Variants in ACOT8 observed in about 807,000 individuals in gnomAD.
The protein encoded by ACOT8 is acyl-coenzyme A thioesterase 8.
Under a neutral mutation model 38.4 loss-of-function variants are expected in ACOT8, and 31 were observed. That is an observed-to-expected ratio of 0.81 (90% CI 0.61 to 1.09). The LOEUF is 1.09. ACOT8 is among the 50% of genes least tolerant of loss of function. ACOT8 has a pLI of 0.00. For missense variants in ACOT8, 373 were observed against 421.8 expected (o/e 0.88, Z 1.01); for synonymous variants, 158 against 170.3 (o/e 0.93, Z 0.56).
rs771631709 is a variant in ACOT8 at position 45,855,207 on chromosome 20, T to C, written c.214A>G (p.Ser72Gly). 2 of 1,614,134 alleles carry C rather than the reference T, an allele frequency of 1.2e-6. No homozygotes were observed. The highest frequency in any genetic ancestry group is 1.7e-6 in the Non-Finnish European group (2 of 1,180,014). ...AGGGAGTGCACGTGGACGTCTTCACTCACAGACTTGGCTGCAGCCACCAGG... is the reference window on the plus strand; with the variant it reads ...AGGGAGTGCACGTGGACGTCTTCACCCACAGACTTGGCTGCAGCCACCAGG... ...QALVAAAKSV[S>G]EDVHVHSLHC... The change falls in exon 2 of 6, where the codon AGT becomes GGT. Residue 72 changes from serine (S) to glycine (G), a missense_variant. Coordinates refer to ENST00000217455, the MANE Select transcript of ACOT8 (RefSeq NM_005469.4).
At chr20:45,843,962 A>G in intron 4 of ACOT8, 1 of 849,816 alleles carries the variant, frequency 1.2e-6, no homozygotes, top group East Asian at 2.7e-5. Flanking sequence ...AGGCCCCAAA[A>G]GGGGTGTCTT....
At position 45,844,274 on chromosome 20, in the gene ACOT8, CGGGCTCGCACCCAGAACATCTGTTT is replaced by C; in HGVS notation, c.610_634del (p.Lys204GlyfsTer9). The C allele has an allele frequency of 1.2e-6, 2 of 1,614,180 alleles. No individual in the cohort carries two copies. Among genetic ancestry groups the C allele is most frequent in the Non-Finnish European group, 1.7e-6 (2 of 1,180,034 alleles). ...TGGGGTACTCTTACCAATATAGCCCCGGGCTCGCACCCAGAACATCTGTTTGGGCTCCATTCTCTGCAGCTGGCTC... is the reference window on the plus strand; with the variant it reads ...TGGGGTACTCTTACCAATATAGCCCCGGGCTCCATTCTCTGCAGCTGGCTC... On this transcript the variant is annotated frameshift_variant, in exon 4 of 6. Transcript: ENST00000217455. LOFTEE classifies it high-confidence loss of function.
intron 3 of ACOT8, 53 bp from the exon 4 acceptor site, chr20:45,844,473 C>T (rs1984529027): frequency 1.9e-6 from 3 of 1,583,226 alleles, no homozygotes; most frequent in Middle Eastern, 1.7e-4. Context: ...GAGGGAGTCA[C>T]ATCTGCATTG....
chr20:45,842,908 A>G lies in ACOT8; in HGVS notation c.841+619T>C, dbSNP rs1984342386. 4.0e-6 allele frequency: 4 copies of G among 1,000,564 alleles called. No individual in the cohort carries two copies. The South Asian group carries it at 1.3e-4, about 32-fold the overall frequency. The allele number at this position is 1,000,564 out of a possible 1,614,324, so 62.0% of individuals were successfully genotyped here. ...CAAAGCTTTTCTTCATTTGAAATGTACTCCCTTGGAAAGGAGGTCAGGGTT... is the reference window on the plus strand; with the variant it reads ...CAAAGCTTTTCTTCATTTGAAATGTGCTCCCTTGGAAAGGAGGTCAGGGTT... On this transcript the variant is annotated intron_variant, in intron 5 of 5. Coordinates refer to ENST00000217455, the MANE Select transcript of ACOT8 (RefSeq NM_005469.4).
At position 45,857,332 on chromosome 20, in the gene ACOT8, G is replaced by C; in HGVS notation, c.-17C>G. On this transcript the variant is annotated 5_prime_UTR_variant, in exon 1 of 6. Transcript: ENST00000217455. Reference sequence around the variant, plus strand: ...GGACGACATCTAGTTCAATGCTGCAGGCCCTGCACACCCGCTCCGCGGAAG... The same window carrying C: ...GGACGACATCTAGTTCAATGCTGCACGCCCTGCACACCCGCTCCGCGGAAG... 1.9e-6 allele frequency: 3 copies of C among 1,588,602 alleles called. No individual in the cohort carries two copies. The highest frequency in any genetic ancestry group is 2.6e-6 in the Non-Finnish European group (3 of 1,168,540).
chr20:45,844,184 CAT>C (rs1371081763), intron 4 of ACOT8, 77 bp downstream of exon 4: 2 of 1,577,464 alleles, frequency 1.3e-6, no homozygotes, highest in Admixed American at 1.7e-5. Flanking sequence ...GAAGGGAACT[CAT>C]GTGCCCAAGG....
At chr20:45,845,807 TG>T (rs1256311381) in intron 3 of ACOT8, among the ~76,000 whole-genome samples, 4 of 152,036 alleles carry the variant, frequency 2.6e-5, no homozygotes, top group African/African-American at 9.7e-5. Context: ...GGAACAGAAT[TG>T]TTCATTCTAC....
chr20:45,852,740 G>A (rs1985146345), intron 2 of ACOT8, among the ~76,000 whole-genome samples: 1 of 152,092 alleles, frequency 6.6e-6, no homozygotes, highest in Admixed American at 6.6e-5. Flanking sequence ...CAAGACACAA[G>A]CAAGGGCACA....
chr20:45,846,582 A>T (rs1005950421), intron 3 of ACOT8, among the ~76,000 whole-genome samples: 3 of 152,204 alleles, frequency 2.0e-5, no homozygotes. Flanking sequence ...CACGAGATAG[A>T]GACATTCTCT....
chr20:45,842,030 C>G lies in ACOT8; in HGVS notation c.842-74G>C, dbSNP rs534425240. ...TACACTTTTTTTTTTTTTCCTGAAA[C>G]AGAGTCTCACTAAGTTGCCAGGCTG... On this transcript the variant is annotated intron_variant, in intron 5 of 5. Coordinates refer to ENST00000217455, the MANE Select transcript of ACOT8 (RefSeq NM_005469.4). The G allele has an allele frequency of 2.6e-5, 40 of 1,567,966 alleles. No homozygotes were observed. In the South Asian group the frequency reaches 4.2e-4, roughly 16 times the overall value.
chr20:45,852,127 C>T (rs998103892), intron 2 of ACOT8, among the ~76,000 whole-genome samples: 3 of 151,880 alleles, frequency 2.0e-5, no homozygotes, highest in East Asian at 1.9e-4. Context: ...CTCAGCCTCC[C>T]GAGTAGCTGG....
chr20:45,847,520 C>G (rs1368359237), intron 3 of ACOT8: 1 of 151,338 alleles, frequency 6.6e-6, no homozygotes, highest in Non-Finnish European at 1.5e-5. Context: ...CACCTGAGAT[C>G]AAGAGTTTGA....
rs191659033 is a variant in ACOT8, at chr20:45,844,268, T to C, written c.641A>G (p.Tyr214Cys). ...CATCCATGGGGTACTCTTACCAATA[T>C]AGCCCCGGGCTCGCACCCAGAACAT... ...KQMFWVRARG[Y>C]IGEGDMKMHC... is the part of the protein sequence containing the mutation. The change falls in exon 4 of 6, where the codon TAT becomes TGT. Residue 214 changes from tyrosine to cysteine, a missense_variant. By Grantham distance (194) the Tyr-to-Cys change is radical. Coordinates refer to ENST00000217455, the MANE Select transcript of ACOT8 (RefSeq NM_005469.4). 34 of 1,614,148 alleles carry C rather than the reference T, an allele frequency of 2.1e-5. No individual in the cohort carries two copies. The East Asian group carries it at 2.2e-4, about 11-fold the overall frequency.
chr20:45,843,497 T>C, intron 5 of ACOT8, 30 bp downstream of exon 5: 1 of 1,602,872 alleles, frequency 6.2e-7, no homozygotes. Context: ...TCAAGGTCAG[T>C]GCCCTTGTCC....
intron 3 of ACOT8, among the ~76,000 whole-genome samples, chr20:45,844,983 A>G (rs764417429): frequency 7.2e-5 from 11 of 152,182 alleles, no homozygotes; most frequent in East Asian, 1.9e-4. Context: ...CAGTGGCGCA[A>G]TCAGCTCACT....
chr20:45,855,089 T>C lies in ACOT8; in HGVS notation c.262+70A>G, dbSNP rs1985320394. ...AGTCTCCCTCTCTTCCCTTTTGACC[T>C]CAGCCCCCAAGGCCAGAAATGGCTG... On this transcript the variant is annotated intron_variant, in intron 2 of 5. Coordinates refer to ENST00000217455, the MANE Select transcript of ACOT8 (RefSeq NM_005469.4). The C allele has an allele frequency of 8.2e-6, 13 of 1,587,386 alleles. No individual in the cohort carries two copies. The South Asian group carries it at 1.2e-4, about 14-fold the overall frequency.
In ACOT8 at chr20:45,848,598, C is replaced by T; in HGVS notation, c.340G>A (p.Ala114Thr). ...AAGATGGGCTTCCCATGTTGCACGG[C>T]CTTCACAGAGCGCACCGAGAAGCTC... ...GSSFSVRSVKAVQHGKPIFIC... is the reference protein window; with the variant it reads ...GSSFSVRSVKTVQHGKPIFIC... The change falls in exon 3 of 6, where the codon GCC becomes ACC. Residue 114 changes from alanine to threonine, a missense_variant. Ala to Thr is a moderately conservative substitution (Grantham distance 58). Coordinates refer to ENST00000217455, the MANE Select transcript of ACOT8 (RefSeq NM_005469.4). 1.2e-6 allele frequency: 2 copies of T among 1,613,958 alleles called. No homozygotes were observed. The highest frequency in any genetic ancestry group is 1.7e-6 in the Non-Finnish European group (2 of 1,179,986).
Position 45,855,254 on chromosome 20 carries a change from CCAAA to C in ACOT8, c.163_166del (p.Phe55ValfsTer16), listed in dbSNP as rs777371035. 1.9e-6 allele frequency: 3 copies of C among 1,614,158 alleles called. No individual in the cohort carries two copies. The South Asian group carries it at 3.3e-5, about 18-fold the overall frequency. On this transcript the variant is annotated frameshift_variant, in exon 2 of 6. Transcript: ENST00000217455. LOFTEE classifies it high-confidence loss of function. ...CAGGGCCTGGCCCACGATCTGACCA[CCAAA>C]CAGCCTCTTGGCCGGTACCCAGTAA...
At chr20:45,846,675 TGGGCACTGTCCCACA>T (rs1984706849) in intron 3 of ACOT8, among the ~76,000 whole-genome samples, 1 of 152,090 alleles carries the variant, frequency 6.6e-6, no homozygotes, top group South Asian at 2.1e-4. Context: ...CCTGGGGAGT[TGGGCACTGTCCCACA>T]GCAGGTGAGC....
Sources: gnomAD v4.1 joint callset for allele counts (sites outside exome capture counted in the v4.1 genomes callset) on GRCh38, gnomAD v4.1.1 for gene constraint, MANE v1.5 for transcripts, NCBI Gene and HGNC (gene_info 2026-07-23, HGNC 2026-07-21) for gene names.